KCNN2: variants seen among roughly 807,000 people sequenced by gnomAD.
KCNN2 encodes potassium calcium-activated channel subfamily N member 2.
Under a neutral mutation model 55.5 loss-of-function variants are expected in KCNN2, and 24 were observed. That is an observed-to-expected ratio of 0.43 (90% CI 0.31 to 0.61). KCNN2 has a LOEUF of 0.61. Ranked by LOEUF, KCNN2 falls within the 20% of genes least tolerant of loss-of-function variation. The pLI, the probability that KCNN2 is intolerant of heterozygous loss-of-function variation, is 0.08. For missense variants in KCNN2, 754 were observed against 853.6 expected, an observed-to-expected ratio of 0.88 and a Z score of 1.45; for synonymous variants, 431 against 336.1, an observed-to-expected ratio of 1.28 and a Z score of -3.09.
chr5:114,309,665 G>C (rs1006074232), intron 2 of KCNN2, among the ~76,000 whole-genome samples: 2 of 152,138 alleles, frequency 1.3e-5, no homozygotes, highest in African/African-American at 4.8e-5. Flanking sequence ...TGCCAGGCTA[G>C]GTGCTAACAG....
intron 2 of KCNN2, among the ~76,000 whole-genome samples, chr5:114,226,900 CAAAAAAAAAA>C (rs34719469): frequency 2.3e-5 from 2 of 86,762 alleles, no homozygotes; most frequent in African/African-American, 9.2e-5. Flanking sequence ...GACTCCGTCT[CAAAAAAAAAA>C]AAAAAAAAAA....
intron 2 of KCNN2, among the ~76,000 whole-genome samples, chr5:114,281,591 G>GTCTC (rs146112749): frequency 1.4e-5 from 2 of 147,142 alleles, no homozygotes; most frequent in African/African-American, 5.0e-5. Flanking sequence ...GTCAATCTCT[G>GTCTC]TCTCTCTCTC....
Position 114,474,933 on chromosome 5 carries a change from T to C in KCNN2, c.1890+1769T>C, listed in dbSNP as rs368902887. Among the ~76,000 whole-genome samples the C allele has an allele frequency of 3.7e-3, 564 of 152,090 alleles. 6 individuals carry two copies. The highest frequency in any genetic ancestry group is 9.7e-3 in the Admixed American group (148 of 15,258). ...CAGAATCACAAATAAGAAAGCCAAG[T>C]TAGCATGTTTGGGCAGACTTCTCCA... On this transcript the variant is annotated intron_variant, in intron 5 of 7. Transcript: ENST00000673685.
intron 1 of KCNN2, among the ~76,000 whole-genome samples, chr5:114,161,954 C>T (rs545867298): frequency 6.6e-6 from 1 of 152,186 alleles, no homozygotes; most frequent in Non-Finnish European, 1.5e-5. Flanking sequence ...CAAGCTTCCT[C>T]CTTTAGCTTG....
intron 2 of KCNN2, among the ~76,000 whole-genome samples, chr5:114,238,501 T>C (rs1754552809): frequency 2.0e-5 from 3 of 151,940 alleles, no homozygotes; most frequent in Non-Finnish European, 4.4e-5. Context: ...CAGCAGGCAC[T>C]TGTAGTCCCA....
chr5:114,184,602 CT>C (rs1753295606), intron 1 of KCNN2, among the ~76,000 whole-genome samples: 1 of 151,946 alleles, frequency 6.6e-6, no homozygotes, highest in Non-Finnish European at 1.5e-5. Context: ...GTTAAGAATG[CT>C]GGATTATATT....
chr5:114,489,902 C>G (rs999407880), intron 6 of KCNN2, among the ~76,000 whole-genome samples: 5 of 152,182 alleles, frequency 3.3e-5, no homozygotes, highest in Non-Finnish European at 5.9e-5. Flanking sequence ...CTCCTGGCCT[C>G]TCCTACTCTC....
At chr5:114,194,875 G>A (rs541687991) in intron 1 of KCNN2, among the ~76,000 whole-genome samples, 10 of 122,340 alleles carry the variant, frequency 8.2e-5, no homozygotes, top group Non-Finnish European at 1.5e-4. Context: ...ATGAGAAAGG[G>A]CCTTGATTTA....
At chr5:114,166,059 T>C (rs923408903) in intron 1 of KCNN2, among the ~76,000 whole-genome samples, 1 of 151,996 alleles carries the variant, frequency 6.6e-6, no homozygotes, top group African/African-American at 2.4e-5. Flanking sequence ...TTCTTTTTTT[T>C]ATTATTATTT....
At chr5:114,470,785 T>TTTGTCA (rs1761694751) in intron 4 of KCNN2, among the ~76,000 whole-genome samples, 1 of 152,156 alleles carries the variant, frequency 6.6e-6, no homozygotes, top group Admixed American at 6.5e-5. Context: ...GTTTATGGAG[T>TTTGTCA]TTGTCATAGT....
At chr5:114,415,526 A>G (rs1759278479) in intron 3 of KCNN2, among the ~76,000 whole-genome samples, 1 of 152,214 alleles carries the variant, frequency 6.6e-6, no homozygotes, top group Non-Finnish European at 1.5e-5. Context: ...ATGTGTGTAT[A>G]TAAACATACA....
chr5:114,099,544 A>C (rs577168338), intron 1 of KCNN2, among the ~76,000 whole-genome samples: 2 of 152,264 alleles, frequency 1.3e-5, no homozygotes, highest in African/African-American at 4.8e-5. Flanking sequence ...AGGTGCAATC[A>C]TAGCATACTA....
intron 3 of KCNN2, among the ~76,000 whole-genome samples, chr5:114,462,508 C>A (rs774367091): frequency 1.7e-4 from 26 of 152,018 alleles, no homozygotes; most frequent in Middle Eastern, 3.4e-3. Context: ...GGGATGTGCC[C>A]GATACTCAGG....
intron 3 of KCNN2, among the ~76,000 whole-genome samples, chr5:114,430,661 T>G (rs562904740): frequency 6.6e-6 from 1 of 152,246 alleles, no homozygotes; most frequent in African/African-American, 2.4e-5. Context: ...ATCCTTGCCT[T>G]GTTCCTGATC....
intron 2 of KCNN2, among the ~76,000 whole-genome samples, chr5:114,325,783 G>A (rs1005599551): frequency 1.3e-5 from 2 of 152,200 alleles, no homozygotes; most frequent in African/African-American, 2.4e-5. Context: ...GGTCTGGGGT[G>A]CACTGGAATT....
intron 1 of KCNN2, among the ~76,000 whole-genome samples, chr5:114,146,624 A>C (rs1420929567): frequency 6.6e-6 from 1 of 152,176 alleles, no homozygotes; most frequent in East Asian, 1.9e-4. Context: ...TCAATTTGCC[A>C]AAGAGCATTA....
At chr5:114,099,871 A>G (rs966390825) in intron 1 of KCNN2, among the ~76,000 whole-genome samples, 2 of 151,870 alleles carry the variant, frequency 1.3e-5, no homozygotes, top group African/African-American at 4.8e-5. Flanking sequence ...TCTTTTAAAT[A>G]ATATATATAA....
chr5:114,349,423 T>C (rs1757169043), intron 2 of KCNN2, among the ~76,000 whole-genome samples: 2 of 152,180 alleles, frequency 1.3e-5, no homozygotes, highest in East Asian at 1.9e-4. Context: ...CTTTGTTCCA[T>C]GCACAAAATT....
chr5:114,263,587 C>G (rs1177975586), intron 2 of KCNN2, among the ~76,000 whole-genome samples: 2 of 152,092 alleles, frequency 1.3e-5, no homozygotes, highest in Non-Finnish European at 2.9e-5. Flanking sequence ...GCTCAGTGGG[C>G]AGTATGATCT....
Sources: gnomAD v4.1 joint callset for allele counts (sites outside exome capture counted in the v4.1 genomes callset) on GRCh38, gnomAD v4.1.1 for gene constraint, MANE v1.5 for transcripts, NCBI Gene and HGNC (gene_info 2026-07-23, HGNC 2026-07-21) for gene names.